Variants in KIF1B observed in about 807,000 individuals in gnomAD.
KIF1B encodes kinesin family member 1B.
KIF1B carries 76 observed loss-of-function variants against 241.9 expected under a neutral mutation model. The ratio of observed to expected loss-of-function variants is 0.31; its 90% CI spans 0.26 to 0.38. The LOEUF is 0.38. KIF1B is among the 10% of genes least tolerant of loss of function. The pLI is 1.00. For missense variants in KIF1B, 1,622 were observed against 2,271.4 expected (o/e 0.71, Z 5.81); for synonymous variants, 750 against 796.7 (o/e 0.94, Z 0.99).
At chr1:10,280,720 A>C (rs555372148) in intron 14 of KIF1B, among the ~76,000 whole-genome samples, 1 of 152,348 alleles carries the variant, frequency 6.6e-6, no homozygotes, top group South Asian at 2.1e-4. Flanking sequence ...CCAAAGCTCA[A>C]CGATACTGGT....
At chr1:10,260,821 C>G (rs1199521083) in intron 4 of KIF1B, among the ~76,000 whole-genome samples, 3 of 149,846 alleles carry the variant, frequency 2.0e-5, no homozygotes, top group Non-Finnish European at 3.0e-5. Flanking sequence ...GAGCTGAGAT[C>G]GCGCCATTGC....
rs1283663802 is a variant in KIF1B at position 10,317,598 on chromosome 1, G to A, written c.2116-2445G>A. ...TATAATCCCAGCACTTTGGGAGGCCGAGGTGGGCGGATCACGAGGTAAGGA... is the reference window on the plus strand; with the variant it reads ...TATAATCCCAGCACTTTGGGAGGCCAAGGTGGGCGGATCACGAGGTAAGGA... On this transcript the variant is annotated intron_variant, in intron 22 of 48. Coordinates refer to ENST00000676179, the MANE Select transcript of KIF1B (RefSeq NM_001365951.3). Among the ~76,000 whole-genome samples the A allele has an allele frequency of 2.0e-5, 3 of 151,312 alleles. 1 individual carries two copies. Among genetic ancestry groups the A allele is most frequent in the African/African-American group, 4.9e-5 (2 of 40,670 alleles).
At chr1:10,250,762 G>C (rs1299988520) in intron 2 of KIF1B, among the ~76,000 whole-genome samples, 1 of 152,200 alleles carries the variant, frequency 6.6e-6, no homozygotes, top group Non-Finnish European at 1.5e-5. Context: ...GGAGTTGCAG[G>C]CTGCAGTAAG....
At position 10,279,079 on chromosome 1, in the gene KIF1B, C is replaced by A. The variant is rs1332195901; in HGVS notation, c.1181-18C>A. 2 of 1,540,968 alleles carry A rather than the reference C, an allele frequency of 1.3e-6. No individual in the cohort carries two copies. The highest frequency in any genetic ancestry group is 1.8e-6 in the Non-Finnish European group (2 of 1,138,664). ...GAACTTTGACCCTTCTCGTATTTTC[C>A]CTCCTGCTTACCTTCAGTTGATCCA... is the stretch of plus-strand genomic sequence containing the variant. On this transcript the variant is annotated intron_variant, in intron 13 of 48. Coordinates refer to ENST00000676179, the MANE Select transcript of KIF1B (RefSeq NM_001365951.3).
At chr1:10,220,397 TGATAGATAGATAGATAGATA>T (rs5772398) in intron 1 of KIF1B, among the ~76,000 whole-genome samples, 2 of 144,172 alleles carry the variant, frequency 1.4e-5, no homozygotes, top group African/African-American at 5.2e-5. Context: ...GATAGATAGA[TGATAGATAGATAGATAGATA>T]GATAGATAGA....
At chr1:10,240,350 A>G (rs1647118828) in intron 2 of KIF1B, among the ~76,000 whole-genome samples, 1 of 152,142 alleles carries the variant, frequency 6.6e-6, no homozygotes, top group South Asian at 2.1e-4. Context: ...CTGGGACTAC[A>G]GGTGGGTGCC....
chr1:10,307,086 A>G (rs765429440), intron 22 of KIF1B: 12 of 1,037,160 alleles, frequency 1.2e-5, no homozygotes, highest in Non-Finnish European at 1.4e-5. Flanking sequence ...TTGCTGAAAT[A>G]TTTAGATAGC....
At chr1:10,227,088 T>C (rs1315172092) in intron 1 of KIF1B, among the ~76,000 whole-genome samples, 4 of 139,540 alleles carry the variant, frequency 2.9e-5, no homozygotes, top group Non-Finnish European at 6.0e-5. Context: ...CAGGCTGGAG[T>C]GCAGTGGTGC....
At chr1:10,244,283 T>C (rs921338542) in intron 2 of KIF1B, among the ~76,000 whole-genome samples, 8 of 151,812 alleles carry the variant, frequency 5.3e-5, no homozygotes, top group Non-Finnish European at 1.0e-4. Context: ...TAAAATATTT[T>C]TATTGTGTGC....
intron 22 of KIF1B, among the ~76,000 whole-genome samples, chr1:10,317,113 G>A (rs1314163994): frequency 6.6e-6 from 1 of 151,508 alleles, no homozygotes; most frequent in African/African-American, 2.4e-5. Flanking sequence ...AAGAAAAAGT[G>A]CCAGGACCCC....
In KIF1B at chr1:10,371,188, C is replaced by T; in HGVS notation, c.4872C>T (p.Phe1624=). 6.2e-7 allele frequency: 1 copy of T among 1,614,128 alleles called. No homozygotes were observed. The highest frequency in any genetic ancestry group is 1.3e-5 in the African/African-American group (1 of 75,038). The part of the protein sequence containing the change: ...PIGRDPSESS[F]SSATLTPSST... ...GACGGGATCCCTCTGAGTCCAGTTTCAGCAGTGCCACCCTCACTCCCTCCT... is the reference window on the plus strand; with the variant it reads ...GACGGGATCCCTCTGAGTCCAGTTTTAGCAGTGCCACCCTCACTCCCTCCT... The change falls in exon 45 of 49, where the codon TTC becomes TTT. Residue 1624 remains phenylalanine (F), a synonymous_variant. Coordinates refer to ENST00000676179, the MANE Select transcript of KIF1B (RefSeq NM_001365951.3).
chr1:10,302,305 C>G (rs967385623), intron 22 of KIF1B, among the ~76,000 whole-genome samples: 4 of 151,834 alleles, frequency 2.6e-5, no homozygotes, highest in Admixed American at 6.6e-5. Context: ...CTATGAGGAT[C>G]CTTTAAAAAA....
rs553581080 is a variant in KIF1B, at chr1:10,318,530, G to A, written c.2116-1513G>A. On this transcript the variant is annotated intron_variant, in intron 22 of 48. Transcript: ENST00000676179. Reference sequence around the variant, plus strand: ...AGGTCAGGAGTTCGAGATCAGCCTGGCCAACATGGTGAAAACCCATCTCTA... The same window carrying A: ...AGGTCAGGAGTTCGAGATCAGCCTGACCAACATGGTGAAAACCCATCTCTA... Among the ~76,000 whole-genome samples the A allele has an allele frequency of 4.3e-4, 64 of 149,670 alleles. 6 individuals carry two copies. The highest frequency in any genetic ancestry group is 1.6e-3 in the African/African-American group (62 of 39,100).
intron 27 of KIF1B, 54 bp from the exon 28 acceptor site, chr1:10,334,466 C>T (rs999547861): frequency 1.1e-5 from 15 of 1,322,016 alleles, no homozygotes; most frequent in Middle Eastern, 1.8e-4. Flanking sequence ...ATCTGAAAGC[C>T]AGTTTATCTC....
chr1:10,224,845 T>C (rs140918125), intron 1 of KIF1B, among the ~76,000 whole-genome samples: 1 of 152,354 alleles, frequency 6.6e-6, no homozygotes, highest in East Asian at 1.9e-4. Flanking sequence ...GTAGGGCAGC[T>C]GTCCCCATTC....
intron 2 of KIF1B, among the ~76,000 whole-genome samples, chr1:10,249,327 CT>C (rs139432590): frequency 6.0e-5 from 9 of 149,384 alleles, no homozygotes; most frequent in East Asian, 2.0e-4. Context: ...GTACAATCCT[CT>C]TTTTTTTTTC....
chr1:10,280,478 C>G (rs1649356080), intron 14 of KIF1B, among the ~76,000 whole-genome samples: 1 of 152,154 alleles, frequency 6.6e-6, no homozygotes, highest in Non-Finnish European at 1.5e-5. Context: ...TCGTGATCCT[C>G]CTGCCTTGGC....
chr1:10,358,102 CAAAA>C (rs541043240), intron 38 of KIF1B, among the ~76,000 whole-genome samples: 3 of 85,146 alleles, frequency 3.5e-5, no homozygotes, highest in African/African-American at 3.6e-5. Flanking sequence ...AAGTCCAAAG[CAAAA>C]AAAAAAAAAA....
Position 10,377,026 on chromosome 1 carries a change from CT to C in KIF1B, c.*448del, listed in dbSNP as rs1638909518. The stretch of plus-strand genomic sequence containing the variant: ...CACCTTTGTTTTTCAAGACAACATA[CT>C]TTTTTTTTCTTTTCTCTGTTTGTGA... On this transcript the variant is annotated 3_prime_UTR_variant, in exon 49 of 49. Transcript: ENST00000676179. 9 of 254,956 alleles carry C rather than the reference CT, an allele frequency of 3.5e-5. No individual in the cohort carries two copies. Among genetic ancestry groups the C allele is most frequent in the Admixed American group, 4.8e-5 (1 of 20,646 alleles). The allele number at this position is 254,956 out of a possible 1,614,324, so 15.8% of individuals were successfully genotyped here. A position where few individuals can be genotyped will look rare whatever the true frequency, so the allele number is the denominator to read the frequency against.
Sources: allele counts gnomAD v4.1 joint callset (sites outside exome capture counted in the v4.1 genomes callset), GRCh38; gene constraint gnomAD v4.1.1; transcripts MANE v1.5; gene names NCBI Gene and HGNC (gene_info 2026-07-23, HGNC 2026-07-21).